The following LRRC4C variants were observed in gnomAD, a reference collection of about 807,000 sequenced individuals.
LRRC4C encodes leucine rich repeat containing 4C.
LRRC4C carries 5 observed loss-of-function variants against 33.6 expected under a neutral mutation model. The ratio of observed to expected loss-of-function variants is 0.15; its 90% CI spans 0.08 to 0.31. The LOEUF (loss-of-function observed/expected upper bound fraction) is 0.31. LRRC4C is among the 10% of genes least tolerant of loss of function. LRRC4C has a pLI of 1.00. For synonymous variants in LRRC4C, 329 were observed against 302.0 expected (o/e 1.09, Z -0.93); for missense variants, 560 against 796.7 (o/e 0.70, Z 3.58).
chr11:40,497,459 T>C (rs1954523717), intron 3 of LRRC4C, among the ~76,000 whole-genome samples: 1 of 151,874 alleles, frequency 6.6e-6, no homozygotes, highest in Non-Finnish European at 1.5e-5. Flanking sequence ...CTTAAGCACA[T>C]CGTTTTCATG....
At chr11:40,391,619 C>T (rs559954718) in intron 3 of LRRC4C, among the ~76,000 whole-genome samples, 3 of 152,236 alleles carry the variant, frequency 2.0e-5, no homozygotes, top group East Asian at 3.9e-4. Context: ...ACGTATTCAG[C>T]CATTGCACAG....
Position 40,329,334 on chromosome 11 carries a change from G to T in LRRC4C, c.-269-9613C>A, listed in dbSNP as rs557965727. Among the ~76,000 whole-genome samples the T allele has an allele frequency of 1.5e-3, 225 of 152,298 alleles. 2 individuals are homozygous for T. The highest frequency in any genetic ancestry group is 2.8e-3 in the Non-Finnish European group (193 of 68,030). On this transcript the variant is annotated intron_variant, in intron 3 of 6. Transcript: ENST00000528697. ...CAGCAAAAAGACATGTAGCTGAAAT[G>T]CCAGTGCACATAGCTAATGTAAACA...
At chr11:40,961,138 C>A (rs1321286783) in intron 1 of LRRC4C, among the ~76,000 whole-genome samples, 2 of 151,648 alleles carry the variant, frequency 1.3e-5, no homozygotes, top group African/African-American at 4.8e-5. Flanking sequence ...GGAAAAGGTT[C>A]AGCTGTATAA....
chr11:40,594,092 A>G (rs896504871), intron 3 of LRRC4C, among the ~76,000 whole-genome samples: 1 of 151,538 alleles, frequency 6.6e-6, no homozygotes, highest in African/African-American at 2.4e-5. Context: ...AGCCTCTCCA[A>G]CTCTCCTTAG....
chr11:40,718,970 C>T (rs117075800), intron 2 of LRRC4C, among the ~76,000 whole-genome samples: 2 of 152,230 alleles, frequency 1.3e-5, no homozygotes, highest in African/African-American at 2.4e-5. Context: ...TTGAATGCAT[C>T]CTCCTTCTCA....
chr11:40,440,299 CTTTTTTTTT>C (rs66998647), intron 3 of LRRC4C, among the ~76,000 whole-genome samples: 3 of 131,872 alleles, frequency 2.3e-5, no homozygotes, highest in African/African-American at 8.6e-5. Flanking sequence ...TGGTCTCTTT[CTTTTTTTTT>C]TTTTTTTTTT....
chr11:40,323,394 G>T (rs887542259), intron 3 of LRRC4C, among the ~76,000 whole-genome samples: 2 of 152,120 alleles, frequency 1.3e-5, no homozygotes, highest in African/African-American at 4.8e-5. Flanking sequence ...GAATTATGGC[G>T]CTTTGGATGT....
chr11:40,460,901 A>T (rs1246984954), intron 3 of LRRC4C, among the ~76,000 whole-genome samples: 1 of 152,156 alleles, frequency 6.6e-6, no homozygotes, highest in African/African-American at 2.4e-5. Context: ...AAGCAACCAA[A>T]TGCATTTCCT....
At chr11:41,421,418 G>C (rs186669589) in intron 1 of LRRC4C, among the ~76,000 whole-genome samples, 6 of 152,054 alleles carry the variant, frequency 3.9e-5, no homozygotes, top group South Asian at 4.2e-4. Context: ...AATTCAACAG[G>C]AATATGGGAG....
chr11:40,770,059 G>C (rs940736857), intron 2 of LRRC4C, among the ~76,000 whole-genome samples: 1 of 152,052 alleles, frequency 6.6e-6, no homozygotes, highest in African/African-American at 2.4e-5. Context: ...AATAATCAAA[G>C]TGAAGAAGAA....
intron 2 of LRRC4C, among the ~76,000 whole-genome samples, chr11:40,739,413 T>C (rs1478348613): frequency 6.6e-6 from 1 of 151,962 alleles, no homozygotes; most frequent in East Asian, 1.9e-4. Context: ...GCCTGAATAC[T>C]CTTCCATTCT....
chr11:40,449,523 T>G (rs1165181058), intron 3 of LRRC4C, among the ~76,000 whole-genome samples: 3 of 152,166 alleles, frequency 2.0e-5, no homozygotes, highest in Admixed American at 6.5e-5. Context: ...GCCCTTTATT[T>G]TAAAGCTAGG....
At chr11:40,930,204 C>T (rs1337079572) in intron 2 of LRRC4C, among the ~76,000 whole-genome samples, 1 of 152,076 alleles carries the variant, frequency 6.6e-6, no homozygotes, top group Non-Finnish European at 1.5e-5. Context: ...TAGAAGGTAG[C>T]CAAGAAAAAT....
Position 41,244,897 on chromosome 11 carries a change from G to A in LRRC4C, c.-496+214534C>T, listed in dbSNP as rs1191355472. 2.6e-5 allele frequency among the ~76,000 whole-genome samples: 4 copies of A among 152,062 alleles called. No individual in the cohort carries two copies. In the East Asian group the frequency reaches 5.8e-4, roughly 22 times the overall value. On this transcript the variant is annotated intron_variant, in intron 1 of 6. Transcript: ENST00000528697. ...TGGCTCAGGCTTTCTATCCATCAACGATAATGCTTAGCATTAAACACCTAC... is the reference window on the plus strand; with the variant it reads ...TGGCTCAGGCTTTCTATCCATCAACAATAATGCTTAGCATTAAACACCTAC...
intron 1 of LRRC4C, among the ~76,000 whole-genome samples, chr11:41,455,528 C>T (rs965467434): frequency 6.6e-6 from 1 of 152,046 alleles, no homozygotes; most frequent in African/African-American, 2.4e-5. Flanking sequence ...GAGTTAGAGT[C>T]AACACATTTG....
intron 4 of LRRC4C, among the ~76,000 whole-genome samples, chr11:40,296,521 G>A (rs1159618736): frequency 6.6e-6 from 1 of 152,090 alleles, no homozygotes; most frequent in South Asian, 2.1e-4. Flanking sequence ...TAAGGTTTTG[G>A]TAACATGGGG....
intron 1 of LRRC4C, among the ~76,000 whole-genome samples, chr11:41,273,199 G>A (rs1215248581): frequency 6.6e-6 from 1 of 152,128 alleles, no homozygotes; most frequent in Non-Finnish European, 1.5e-5. Flanking sequence ...TGATGGGAAT[G>A]TAGAATCTGC....
chr11:40,944,303 T>A (rs935480317), intron 1 of LRRC4C, among the ~76,000 whole-genome samples: 1 of 152,214 alleles, frequency 6.6e-6, no homozygotes, highest in Admixed American at 6.5e-5. Flanking sequence ...CGATATTTTA[T>A]CCTTATCTAT....
intron 2 of LRRC4C, among the ~76,000 whole-genome samples, chr11:40,892,421 AC>A (rs1280881710): frequency 6.6e-6 from 1 of 152,056 alleles, no homozygotes; most frequent in East Asian, 1.9e-4. Context: ...TGACCCAGCA[AC>A]CCCACTTTTA....
Sources: allele counts gnomAD v4.1 joint callset (sites outside exome capture counted in the v4.1 genomes callset), GRCh38; gene constraint gnomAD v4.1.1; transcripts MANE v1.5; gene names NCBI Gene and HGNC (gene_info 2026-07-23, HGNC 2026-07-21).